PDE2A: variants seen among roughly 807,000 people sequenced by gnomAD.
The protein encoded by PDE2A is phosphodiesterase 2A.
A neutral mutation model predicts 133.6 loss-of-function variants in PDE2A; 53 were observed. The ratio of observed to expected loss-of-function variants is 0.40; its 90% CI spans 0.32 to 0.50. The LOEUF (loss-of-function observed/expected upper bound fraction) is 0.50. PDE2A is among the 20% of genes least tolerant of loss of function. PDE2A has a pLI of 0.73. For missense variants in PDE2A, 796 were observed against 1,232.4 expected (o/e 0.65, Z 5.30); for synonymous variants, 491 against 490.2 (o/e 1.00, Z -0.02).
At chr11:72,619,072 GCA>G (rs1857620823) in intron 2 of PDE2A, among the ~76,000 whole-genome samples, 1 of 150,402 alleles carries the variant, frequency 6.6e-6, no homozygotes, top group South Asian at 2.1e-4. Context: ...ACACACACAC[GCA>G]CACACTGGGC....
chr11:72,664,239 T>TGCTG (rs1855160879), intron 1 of PDE2A, among the ~76,000 whole-genome samples: 1 of 152,176 alleles, frequency 6.6e-6, no homozygotes, highest in Admixed American at 6.5e-5. Context: ...TAACTTGACA[T>TGCTG]GTCCTGCTGG....
intron 3 of PDE2A, among the ~76,000 whole-genome samples, chr11:72,607,028 C>T (rs57806150): frequency 0.03 from 4,520 of 152,246 alleles, 113 homozygotes; most frequent in African/African-American, 0.069. Context: ...GGTCCCCTCC[C>T]CATCTCTGCT....
At chr11:72,655,120 C>T (rs1854856358) in intron 1 of PDE2A, among the ~76,000 whole-genome samples, 1 of 152,172 alleles carries the variant, frequency 6.6e-6, no homozygotes, top group Non-Finnish European at 1.5e-5. Context: ...CAGGGGAAGG[C>T]GGGCAGCTGC....
chr11:72,629,245 T>C (rs926875557), intron 2 of PDE2A, among the ~76,000 whole-genome samples: 6 of 150,452 alleles, frequency 4.0e-5, no homozygotes, highest in Non-Finnish European at 5.9e-5. Context: ...AGAGCAGAAC[T>C]TGAACCTGCA....
chr11:72,588,722 G>A lies in PDE2A; in HGVS notation c.1070+62C>T, dbSNP rs954562910. On this transcript the variant is annotated intron_variant, in intron 13 of 30. Transcript: ENST00000334456. The stretch of plus-strand genomic sequence containing the variant: ...GTACCCATCCCACATTGTTACCCTC[G>A]TGGAGCCCTAGCCAGCCTCTCAGTG... 1.7e-5 allele frequency: 26 copies of A among 1,518,690 alleles called. No individual in the cohort carries two copies. In the East Asian group the frequency reaches 3.0e-4, roughly 17 times the overall value. The allele number at this position is 1,518,690 out of a possible 1,614,324, so 94.1% of individuals were successfully genotyped here. A position where few individuals can be genotyped will look rare whatever the true frequency, so the allele number is the denominator to read the frequency against.
Position 72,590,914 on chromosome 11 carries a change from T to A in PDE2A, c.550-334A>T. The A allele has an allele frequency of 2.8e-6, 1 of 358,184 alleles. No individual in the cohort carries two copies. Among genetic ancestry groups the A allele is most frequent in the Non-Finnish European group, 5.0e-6 (1 of 200,854 alleles). 22.2% of individuals were successfully genotyped at this position (358,184 alleles called of 1,614,324 possible). A position where few individuals can be genotyped will look rare whatever the true frequency, so the allele number is the denominator to read the frequency against. On this transcript the variant is annotated intron_variant, in intron 7 of 30. Transcript: ENST00000334456. This position sits in a 1 kb window ranked among gnomAD's most constrained non-coding sequence, Gnocchi z 4.8. ...TTGTTAAAGTCACAAAATCATAAAG[T>A]CTCAGGCATGAAAGAGCCTCAGTAT... is the stretch of plus-strand genomic sequence containing the variant.
chr11:72,653,763 G>A (rs934066082), intron 1 of PDE2A, among the ~76,000 whole-genome samples: 8 of 152,244 alleles, frequency 5.3e-5, no homozygotes, highest in African/African-American at 1.9e-4. Flanking sequence ...CTGCCCATCA[G>A]TGGCATGGGG....
intron 22 of PDE2A, 136 bp downstream of exon 22, chr11:72,581,741 G>C: frequency 1.1e-6 from 1 of 894,428 alleles, no homozygotes; most frequent in South Asian, 1.5e-5. Flanking sequence ...CTCATTCATG[G>C]ATCCTCCCCA....
chr11:72,580,730 T>G, intron 24 of PDE2A, 106 bp from the exon 25 acceptor site: 3 of 1,073,480 alleles, frequency 2.8e-6, no homozygotes, highest in Non-Finnish European at 4.2e-6. Context: ...CCCTCCTCCC[T>G]ATCTCAGAGC....
Position 72,585,359 on chromosome 11 carries a change from A to T in PDE2A, c.1286+12T>A, listed in dbSNP as rs748008673. 1.2e-6 allele frequency: 2 copies of T among 1,611,220 alleles called. No homozygotes were observed. The highest frequency in any genetic ancestry group is 2.2e-5 in the South Asian group (2 of 90,942). Reference sequence around the variant, plus strand: ...GCCTCTCTCGCCCTGTCCCCTGGGTAGAGTCACTCACATCTCTGCGTTGCT... The same window carrying T: ...GCCTCTCTCGCCCTGTCCCCTGGGTTGAGTCACTCACATCTCTGCGTTGCT... On this transcript the variant is annotated intron_variant, in intron 16 of 30. Transcript: ENST00000334456.
At chr11:72,603,629 G>A (rs561737115) in intron 4 of PDE2A, among the ~76,000 whole-genome samples, 3 of 152,192 alleles carry the variant, frequency 2.0e-5, no homozygotes, top group Non-Finnish European at 2.9e-5. Context: ...GGAGGAGAGC[G>A]AAGTTCTTTG....
At chr11:72,649,804 A>G (rs1271881409) in intron 1 of PDE2A, among the ~76,000 whole-genome samples, 1 of 152,166 alleles carries the variant, frequency 6.6e-6, no homozygotes, top group Non-Finnish European at 1.5e-5. Context: ...ACCCCTGATC[A>G]TCCTGAGCCA....
At chr11:72,658,973 G>A (rs1041248915) in intron 1 of PDE2A, among the ~76,000 whole-genome samples, 1 of 152,156 alleles carries the variant, frequency 6.6e-6, no homozygotes, top group Non-Finnish European at 1.5e-5. Context: ...GATTACAGGT[G>A]TGAGCCGCTG....
intron 13 of PDE2A, among the ~76,000 whole-genome samples, chr11:72,588,322 G>A (rs1202663116): frequency 6.6e-6 from 1 of 152,110 alleles, no homozygotes; most frequent in African/African-American, 2.4e-5. Flanking sequence ...TGTCCACTGT[G>A]CCCTGCCCAC....
In PDE2A at chr11:72,590,616, C is replaced by A; in HGVS notation, c.550-36G>T. On this transcript the variant is annotated intron_variant, in intron 7 of 30. Transcript: ENST00000334456. This position sits in a 1 kb window ranked among gnomAD's most constrained non-coding sequence, Gnocchi z 4.8. The stretch of plus-strand genomic sequence containing the variant: ...CCGAGCGGTTAGCGCGCCGCTCGCC[C>A]CAAGCTCGCTGCGCTTGCTGCAGCG... 1 of 1,340,594 alleles carries A rather than the reference C, an allele frequency of 7.5e-7. No individual in the cohort carries two copies. Among genetic ancestry groups the A allele is most frequent in the Non-Finnish European group, 9.5e-7 (1 of 1,051,406 alleles). The allele number at this position is 1,340,594 out of a possible 1,614,324, so 83.0% of individuals were successfully genotyped here. A position where few individuals can be genotyped will look rare whatever the true frequency, so the allele number is the denominator to read the frequency against.
At chr11:72,613,860 C>T (rs929969915) in intron 2 of PDE2A, among the ~76,000 whole-genome samples, 1 of 152,182 alleles carries the variant, frequency 6.6e-6, no homozygotes, top group Non-Finnish European at 1.5e-5. Context: ...GCAATATACA[C>T]AGCCTCTTAT....
intron 2 of PDE2A, among the ~76,000 whole-genome samples, chr11:72,628,223 T>C (rs999768876): frequency 6.6e-6 from 1 of 152,256 alleles, no homozygotes; most frequent in African/African-American, 2.4e-5. Flanking sequence ...ATCTGCCATG[T>C]GCCAGGCCTG....
intron 1 of PDE2A, among the ~76,000 whole-genome samples, chr11:72,661,010 C>T (rs576176918): frequency 9.2e-5 from 14 of 152,170 alleles, no homozygotes; most frequent in African/African-American, 3.4e-4. Flanking sequence ...CTGTGGGTTT[C>T]AATGTCTTCT....
At chr11:72,643,983 G>A (rs1206141969) in intron 1 of PDE2A, among the ~76,000 whole-genome samples, 1 of 151,626 alleles carries the variant, frequency 6.6e-6, no homozygotes, top group African/African-American at 2.4e-5. Flanking sequence ...TGGTCATCCA[G>A]CTCTGACTCC....
Sources: gnomAD v4.1 joint callset for allele counts (sites outside exome capture counted in the v4.1 genomes callset) on GRCh38, gnomAD v4.1.1 for gene constraint, Gnocchi (gnomAD v3.1) non-coding constraint, MANE v1.5 for transcripts, NCBI Gene and HGNC (gene_info 2026-07-23, HGNC 2026-07-21) for gene names.